Variants in VWA3A observed in about 807,000 individuals in gnomAD.
VWA3A encodes von Willebrand factor A domain containing 3A.
Under a neutral mutation model 160.4 loss-of-function variants are expected in VWA3A, and 134 were observed. The observed-to-expected ratio is 0.84, with a 90% CI of 0.73 to 0.96. The LOEUF (loss-of-function observed/expected upper bound fraction) is 0.96, where lower values mean the gene tolerates loss of function less well. VWA3A is among the 40% of genes least tolerant of loss of function. The pLI is 0.00. For missense variants in VWA3A, 1,310 were observed against 1,447.9 expected, an observed-to-expected ratio of 0.90 and a Z score of 1.55; for synonymous variants, 476 against 543.4, an observed-to-expected ratio of 0.88 and a Z score of 1.72.
At position 22,110,974 on chromosome 16, in the gene VWA3A, C is replaced by T; in HGVS notation, c.669C>T (p.Pro223=). Reference sequence around the variant, plus strand: ...ATGCCGGGTCCCTCTGGCCAGACCCCATGGAAGTCAGCGCCTCCACGTGAG... The same window carrying T: ...ATGCCGGGTCCCTCTGGCCAGACCCTATGGAAGTCAGCGCCTCCACGTGAG... ...GTNAGSLWPD[P]MEVSASTLQE... Residue 223 remains proline, a synonymous_variant, in exon 8 of 34, where the codon CCC becomes CCT. Coordinates refer to ENST00000389398, the MANE Select transcript of VWA3A (RefSeq NM_173615.5). 6.2e-7 allele frequency: 1 copy of T among 1,608,456 alleles called. No homozygotes were observed. Among genetic ancestry groups the T allele is most frequent in the African/African-American group, 1.3e-5 (1 of 74,952 alleles).
chr16:22,142,841 TG>T (rs929083899), intron 25 of VWA3A, 76 bp downstream of exon 25: 7 of 1,113,830 alleles, frequency 6.3e-6, no homozygotes, highest in South Asian at 1.3e-5. Flanking sequence ...ACTTCTAGGA[TG>T]GGGGGGCATA....
At chr16:22,152,186 G>A (rs2046360468) in intron 30 of VWA3A, among the ~76,000 whole-genome samples, 1 of 152,152 alleles carries the variant, frequency 6.6e-6, no homozygotes, top group African/African-American at 2.4e-5. Context: ...ACTCCAGCCT[G>A]GGTGACAGAC....
In VWA3A at chr16:22,132,527, A is replaced by G. The variant is rs182161190; in HGVS notation, c.1873-373A>G. ...TATGACCCTGCACTCCAGCCTAGGC[A>G]ACAGAGCGAGACCCTGTCTCTTTAA... On this transcript the variant is annotated intron_variant, in intron 19 of 33. Transcript: ENST00000389398. 2.4e-3 allele frequency among the ~76,000 whole-genome samples: 367 copies of G among 152,250 alleles called. 1 individual carries two copies. Among genetic ancestry groups the G allele is most frequent in the Non-Finnish European group, 4.3e-3 (295 of 68,016 alleles).
rs1283219166 is a variant in VWA3A, at chr16:22,092,626, A to G, written c.-12A>G. The stretch of plus-strand genomic sequence containing the variant: ...AGTGCCAGGAGCCCTTCTCCCAAAG[A>G]TGGAGAAATAAATGAAGAAATACAG... On this transcript the variant is annotated 5_prime_UTR_variant, in exon 1 of 34. An upstream start codon of the reference 5' UTR is lost. Transcript: ENST00000389398. 1 of 1,550,478 alleles carries G rather than the reference A, an allele frequency of 6.4e-7. No individual in the cohort carries two copies. The highest frequency in any genetic ancestry group is 1.2e-5 in the South Asian group (1 of 84,016).
At chr16:22,118,812 G>C in intron 11 of VWA3A, 90 bp from the exon 12 acceptor site, 2 of 1,548,664 alleles carry the variant, frequency 1.3e-6, no homozygotes, top group Non-Finnish European at 1.8e-6. Flanking sequence ...CCTCTGCCTG[G>C]GCATTGGCCT....
At chr16:22,128,129 G>A (rs1400835560) in intron 17 of VWA3A, among the ~76,000 whole-genome samples, 1 of 152,144 alleles carries the variant, frequency 6.6e-6, no homozygotes, top group Non-Finnish European at 1.5e-5. Flanking sequence ...GGGAGAGATT[G>A]TGCATGACAG....
At chr16:22,129,410 G>T (rs987099603) in intron 17 of VWA3A, among the ~76,000 whole-genome samples, 1 of 146,136 alleles carries the variant, frequency 6.8e-6, no homozygotes, top group Non-Finnish European at 1.5e-5. Context: ...AAAAAAGAAA[G>T]AAAGAAAGAA....
At chr16:22,127,604 G>A (rs1308929741) in intron 17 of VWA3A, among the ~76,000 whole-genome samples, 1 of 152,148 alleles carries the variant, frequency 6.6e-6, no homozygotes, top group African/African-American at 2.4e-5. Context: ...CCAGAGCCCA[G>A]TCATTCCTTA....
At chr16:22,118,842 G>T in intron 11 of VWA3A, 60 bp from the exon 12 acceptor site, 1 of 1,604,214 alleles carries the variant, frequency 6.2e-7, no homozygotes, top group Non-Finnish European at 8.5e-7. Context: ...CCCCTTCCTG[G>T]GTTGACCCCT....
rs1242167717 is a variant in VWA3A, at chr16:22,138,462, C to T, written c.2242C>T (p.Pro748Ser). The T allele has an allele frequency of 3.1e-6, 5 of 1,613,522 alleles. No individual in the cohort carries two copies. Among genetic ancestry groups the T allele is most frequent in the Non-Finnish European group, 4.2e-6 (5 of 1,179,772 alleles). ...KPKTLQLRSQ[P>S]KKLCPPRPTV... ...AAAGACACTTCAGCTAAGAAGTCAGCCCAAGAAGCTCTGCCCTCCCAGGCC... is the reference window on the plus strand; with the variant it reads ...AAAGACACTTCAGCTAAGAAGTCAGTCCAAGAAGCTCTGCCCTCCCAGGCC... Residue 748 changes from proline to serine, a missense_variant, in exon 22 of 34, where the codon CCC becomes TCC. Physicochemically the swap from Pro to Ser is moderately conservative, Grantham distance 74. Transcript: ENST00000389398.
Position 22,119,169 on chromosome 16 carries a change from C to T in VWA3A, c.1116+142C>T. On this transcript the variant is annotated intron_variant, in intron 12 of 33. Coordinates refer to ENST00000389398, the MANE Select transcript of VWA3A (RefSeq NM_173615.5). ...ATCGAAACAAGGCAAGGCCCACCCT[C>T]CATTGCACCCCAGAGCTCTGAGTTG... is the stretch of plus-strand genomic sequence containing the variant. The T allele has an allele frequency of 1.3e-5, 15 of 1,116,534 alleles. No homozygotes were observed. In the South Asian group the frequency reaches 2.2e-4, roughly 16 times the overall value. The allele number at this position is 1,116,534 out of a possible 1,614,324, so 69.2% of individuals were successfully genotyped here.
chr16:22,140,185 G>C lies in VWA3A; in HGVS notation c.2324G>C (p.Ser775Thr). The change falls in exon 23 of 34, where the codon AGC (serine) becomes ACC (threonine). Residue 775 changes from serine (S) to threonine (T), a missense_variant. Physicochemically the swap from Ser to Thr is moderately conservative, Grantham distance 58. Coordinates refer to ENST00000389398, the MANE Select transcript of VWA3A (RefSeq NM_173615.5). ...SIKDDPDREK[S>T]PPLKSLKWRP... ...AAAGATGACCCTGACAGAGAGAAGA[G>C]CCCCCCGCTGAAATCTCTGAAATGG... 1.9e-6 allele frequency: 3 copies of C among 1,613,690 alleles called. No homozygotes were observed. The highest frequency in any genetic ancestry group is 2.5e-6 in the Non-Finnish European group (3 of 1,179,776).
rs192734107 is a variant in VWA3A, at chr16:22,138,186, G to T, written c.2140-174G>T. ...GGCCCCCATACCTGGTCTTACTGTT[G>T]TTCATAGGATTGGTCCATAGCACTT... On this transcript the variant is annotated intron_variant, in intron 21 of 33. Transcript: ENST00000389398. Among the ~76,000 whole-genome samples, 27 of 151,832 alleles carry T rather than the reference G, an allele frequency of 1.8e-4. No individual in the cohort carries two copies. The East Asian group carries it at 3.7e-3, about 21-fold the overall frequency.
At chr16:22,123,776 T>C in intron 16 of VWA3A, 69 bp downstream of exon 16, 1 of 1,396,842 alleles carries the variant, frequency 7.2e-7, no homozygotes, top group Non-Finnish European at 9.9e-7. Context: ...ATCCGCCTCA[T>C]GAATTCCCTG....
intron 6 of VWA3A, among the ~76,000 whole-genome samples, chr16:22,104,057 G>A (rs2045446931): frequency 6.6e-6 from 1 of 152,214 alleles, no homozygotes; most frequent in Non-Finnish European, 1.5e-5. Context: ...GCATGTGGAA[G>A]GCCAGAGCAC....
intron 8 of VWA3A, among the ~76,000 whole-genome samples, chr16:22,111,758 C>T (rs192039941): frequency 6.6e-6 from 1 of 152,164 alleles, no homozygotes; most frequent in Non-Finnish European, 1.5e-5. Flanking sequence ...GTTGGGATTA[C>T]AGGCACGAGC....
Position 22,118,984 on chromosome 16 carries a change from A to C in VWA3A, c.1073A>C (p.Gln358Pro), listed in dbSNP as rs764076482. 18 of 1,613,750 alleles carry C rather than the reference A, an allele frequency of 1.1e-5. No homozygotes were observed. The African/African-American group carries it at 1.7e-4, about 16-fold the overall frequency. ...CTCCTCAGCCACGTGCAAGCCCTGC[A>C]GCACAGCAGCCCCTGTGAGGCGCTC... ...QSLLSHVQAL[Q>P]HSSPCEALTC... Residue 358 changes from glutamine to proline, a missense_variant, in exon 12 of 34, where the codon CAG (glutamine) becomes CCG (proline). Transcript: ENST00000389398.
chr16:22,103,653 TAACC>T, intron 6 of VWA3A, 124 bp downstream of exon 6: 5 of 1,125,998 alleles, frequency 4.4e-6, no homozygotes, highest in South Asian at 1.5e-5. Flanking sequence ...AGGCATTTAC[TAACC>T]TAAGTAAATG....
At chr16:22,116,119 AAAAGAAAGGAAGG>A (rs2045638370) in intron 9 of VWA3A, among the ~76,000 whole-genome samples, 1 of 151,342 alleles carries the variant, frequency 6.6e-6, no homozygotes. Flanking sequence ...AAACAAGAAA[AAAAGAAAGGAAGG>A]AAAGAAAGGA....
Sources: allele counts gnomAD v4.1 joint callset (sites outside exome capture counted in the v4.1 genomes callset), GRCh38; gene constraint gnomAD v4.1.1; transcripts MANE v1.5; gene names NCBI Gene and HGNC (gene_info 2026-07-23, HGNC 2026-07-21).